Variants in KIF5C observed in about 807,000 individuals in gnomAD.
KIF5C encodes kinesin heavy chain isoform 5C.
In KIF5C, 18 loss-of-function variants were observed where a neutral mutation model predicts 125.2. The ratio of observed to expected loss-of-function variants is 0.14; its 90% CI spans 0.10 to 0.21. The LOEUF (loss-of-function observed/expected upper bound fraction) is 0.21. Ranked by LOEUF, KIF5C falls within the 10% of genes least tolerant of loss-of-function variation. The pLI, the probability that KIF5C is intolerant of heterozygous loss-of-function variation, is 1.00. For missense variants in KIF5C, 780 were observed against 1,183.8 expected, an observed-to-expected ratio of 0.66 and a Z score of 5.01; for synonymous variants, 405 against 434.0, an observed-to-expected ratio of 0.93 and a Z score of 0.83.
chr2:148,965,149 G>C (rs540886758), intron 11 of KIF5C, among the ~76,000 whole-genome samples: 28 of 152,256 alleles, frequency 1.8e-4, no homozygotes, highest in African/African-American at 6.7e-4. Context: ...AGGGGTGAGG[G>C]AGGAGGGAGT....
At position 148,935,168 on chromosome 2, in the gene KIF5C, C is replaced by G. The variant is rs1682266562; in HGVS notation, c.292-2116C>G. ...CAGAGAGACACAAAGTAGAGAGTGT[C>G]CTAGATTCATCTCTCGTTCTGCCTT... On this transcript the variant is annotated intron_variant, in intron 3 of 25. Transcript: ENST00000435030. 1.6e-5 allele frequency: 4 copies of G among 251,512 alleles called. No homozygotes were observed. The Middle Eastern group carries it at 1.3e-3, about 84-fold the overall frequency. 15.6% of individuals were successfully genotyped at this position (251,512 alleles called of 1,614,324 possible).
chr2:148,994,463 A>G lies in KIF5C; in HGVS notation c.1948A>G (p.Met650Val), dbSNP rs1316941983. The G allele has an allele frequency of 1.3e-6, 2 of 1,576,028 alleles. No individual in the cohort carries two copies. The highest frequency in any genetic ancestry group is 1.7e-6 in the Non-Finnish European group (2 of 1,160,910). Residue 650 changes from methionine (M) to valine (V), a missense_variant, in exon 17 of 26, where the codon ATG (methionine) becomes GTG (valine). Met to Val is a conservative substitution (Grantham distance 21, BLOSUM62 1). Around this residue, in one of 2 missense-constraint regions of KIF5C, gnomAD observed 573 missense variants for 742.6 expected, o/e 0.77. Transcript: ENST00000435030. ...IKSLTDYMQN[M>V]EQKRRQLEES... is the part of the protein sequence containing the mutation. ...GTCTCTGACAGACTACATGCAGAACATGGAACAGAAGAGGAGGCAGCTAGA... is the reference window on the plus strand; with the variant it reads ...GTCTCTGACAGACTACATGCAGAACGTGGAACAGAAGAGGAGGCAGCTAGA...
chr2:148,994,805 G>A (rs565866099), intron 17 of KIF5C, among the ~76,000 whole-genome samples: 4 of 151,778 alleles, frequency 2.6e-5, no homozygotes, highest in African/African-American at 9.7e-5. Flanking sequence ...CGGTTCCAGC[G>A]ATTCTCCTGC....
chr2:148,875,836 C>A (rs545262085), intron 1 of KIF5C, 93 bp downstream of exon 1: 165 of 1,486,590 alleles, frequency 1.1e-4, no homozygotes, highest in Non-Finnish European at 1.4e-4. Flanking sequence ...TAGGCCGCCC[C>A]CTCGGACATT....
intron 17 of KIF5C, among the ~76,000 whole-genome samples, chr2:148,996,350 TG>T (rs1332370043): frequency 4.6e-5 from 7 of 152,388 alleles, no homozygotes; most frequent in African/African-American, 1.7e-4. Context: ...ACCCACTCTC[TG>T]CTCTAACCTT....
intron 1 of KIF5C, among the ~76,000 whole-genome samples, chr2:148,902,193 T>C (rs1468290437): frequency 6.6e-6 from 1 of 152,224 alleles, no homozygotes; most frequent in Non-Finnish European, 1.5e-5. Flanking sequence ...TGTGGTCGAA[T>C]CAGCCAGCAG....
intron 10 of KIF5C, among the ~76,000 whole-genome samples, chr2:148,952,166 C>T (rs955935568): frequency 1.3e-5 from 2 of 152,126 alleles, no homozygotes; most frequent in Non-Finnish European, 2.9e-5. Context: ...AAAACAAGAT[C>T]GCATCCTGCC....
intron 3 of KIF5C, among the ~76,000 whole-genome samples, chr2:148,930,450 G>T (rs1338666189): frequency 1.3e-5 from 2 of 152,060 alleles, no homozygotes; most frequent in Non-Finnish European, 2.9e-5. Context: ...ATAAGAAACT[G>T]CACAGAGGAA....
intron 25 of KIF5C, among the ~76,000 whole-genome samples, chr2:149,012,776 C>T (rs1682250820): frequency 6.6e-6 from 1 of 152,258 alleles, no homozygotes; most frequent in Non-Finnish European, 1.5e-5. Context: ...CCATCATCTG[C>T]CATCTTCTAG....
Position 148,926,130 on chromosome 2 carries a change from A to G in KIF5C, c.218-3151A>G, listed in dbSNP as rs536536361. On this transcript the variant is annotated intron_variant, in intron 2 of 25. Transcript: ENST00000435030. ...GTAGGTATGATCACATCCTCCCCCA[A>G]TTCTAATCTGAAGATGGCACTAACT... Among the ~76,000 whole-genome samples the G allele has an allele frequency of 3.9e-5, 6 of 152,326 alleles. 1 individual carries two copies. The South Asian group carries it at 1.0e-3, about 26-fold the overall frequency.
chr2:148,922,027 G>A (rs1408662016), intron 1 of KIF5C, 110 bp from the exon 2 acceptor site: 5 of 633,196 alleles, frequency 7.9e-6, no homozygotes, highest in South Asian at 2.0e-5. Context: ...TAAAGAACAG[G>A]GTTGGTGACT....
intron 25 of KIF5C, among the ~76,000 whole-genome samples, chr2:149,014,698 G>A (rs989314341): frequency 6.6e-6 from 1 of 152,224 alleles, no homozygotes; most frequent in Non-Finnish European, 1.5e-5. Flanking sequence ...CAATAAAAAT[G>A]TTAGCTGCTA....
Position 149,011,598 on chromosome 2 carries a change from G to A in KIF5C, c.2796G>A (p.Pro932=), listed in dbSNP as rs764633528. The change falls in exon 25 of 26, where the codon CCG becomes CCA. Residue 932 remains proline (P), a synonymous_variant. Transcript: ENST00000435030. ...AGCCCATCCGCCCCGGACACTACCC[G>A]GCCTCATCTCCAACGGCCGTCCATG... ...IAKPIRPGHY[P]ASSPTAVHAI... The A allele has an allele frequency of 2.6e-5, 42 of 1,613,874 alleles. No individual in the cohort carries two copies. Among genetic ancestry groups the A allele is most frequent in the African/African-American group, 6.7e-5 (5 of 74,912 alleles).
intron 7 of KIF5C, 91 bp downstream of exon 7, chr2:148,942,851 A>C (rs1351655208): frequency 1.3e-5 from 20 of 1,546,502 alleles, no homozygotes; most frequent in Non-Finnish European, 1.8e-6. Context: ...GGTACAAATG[A>C]AAGAATGCAT....
intron 11 of KIF5C, among the ~76,000 whole-genome samples, chr2:148,966,115 G>A (rs73009522): frequency 0.047 from 7,089 of 152,106 alleles, 538 homozygotes; most frequent in African/African-American, 0.16. Context: ...AACTTGACAC[G>A]CACATTGGTT....
chr2:148,913,587 T>C (rs1283332312), intron 1 of KIF5C, among the ~76,000 whole-genome samples: 1 of 152,090 alleles, frequency 6.6e-6, no homozygotes, highest in African/African-American at 2.4e-5. Flanking sequence ...GGGGAAAGCT[T>C]TTGTTTTTGA....
At position 148,934,281 on chromosome 2, in the gene KIF5C, A is replaced by G. The variant is rs531366180; in HGVS notation, c.292-3003A>G. ...ACAAACACACCACACACCACACACTATATACCACACATGACCCCTACATAA... is the reference window on the plus strand; with the variant it reads ...ACAAACACACCACACACCACACACTGTATACCACACATGACCCCTACATAA... On this transcript the variant is annotated intron_variant, in intron 3 of 25. Transcript: ENST00000435030. Among the ~76,000 whole-genome samples, 15 of 151,510 alleles carry G rather than the reference A, an allele frequency of 9.9e-5. No individual in the cohort carries two copies. The East Asian group carries it at 2.5e-3, about 25-fold the overall frequency.
intron 1 of KIF5C, among the ~76,000 whole-genome samples, chr2:148,903,435 A>T (rs1432003725): frequency 6.6e-6 from 1 of 152,150 alleles, no homozygotes; most frequent in African/African-American, 2.4e-5. Flanking sequence ...TTTTAGCTCC[A>T]TGTGGCAGAC....
intron 21 of KIF5C, 65 bp downstream of exon 21, chr2:149,000,847 A>T: frequency 6.3e-7 from 1 of 1,598,922 alleles, no homozygotes; most frequent in Non-Finnish European, 8.5e-7. Flanking sequence ...GATTTGTCGG[A>T]TTATTTCAAA....
Sources: gnomAD v4.1 joint callset for allele counts (sites outside exome capture counted in the v4.1 genomes callset) on GRCh38, gnomAD v4.1.1 for gene constraint, gnomAD v4.1.1 regional missense constraint, MANE v1.5 for transcripts, NCBI Gene and HGNC (gene_info 2026-07-23, HGNC 2026-07-21) for gene names.